Variants in TXNDC11 observed in about 807,000 individuals in gnomAD.
TXNDC11 encodes thioredoxin domain containing 11.
Under a neutral mutation model 78.0 loss-of-function variants are expected in TXNDC11, and 68 were observed. That is an observed-to-expected ratio of 0.87 (90% CI 0.72 to 1.07). The LOEUF (loss-of-function observed/expected upper bound fraction) is 1.07. TXNDC11 is among the 50% of genes least tolerant of loss of function. The probability of loss-of-function intolerance (pLI) is 0.00; values close to 1 mark genes in which losing one functional copy is unlikely to be tolerated. For missense variants in TXNDC11, 1,389 were observed against 1,221.8 expected (o/e 1.14, Z -2.04); for synonymous variants, 571 against 495.2 (o/e 1.15, Z -2.03).
At chr16:11,690,560 C>G (rs1407016196) in intron 8 of TXNDC11, among the ~76,000 whole-genome samples, 1 of 152,100 alleles carries the variant, frequency 6.6e-6, no homozygotes, top group Non-Finnish European at 1.5e-5. Context: ...CTTCACTGCT[C>G]TCTTTTTTTG....
intron 9 of TXNDC11, 125 bp downstream of exon 9, chr16:11,688,178 T>C (rs529792006): frequency 1.8e-6 from 2 of 1,081,966 alleles, no homozygotes; most frequent in Admixed American, 2.1e-5. Context: ...TCACGGTCCA[T>C]AATTGGGCCA....
At chr16:11,722,400 G>C (rs1567338143) in intron 4 of TXNDC11, among the ~76,000 whole-genome samples, 1 of 152,186 alleles carries the variant, frequency 6.6e-6, no homozygotes, top group African/African-American at 2.4e-5. Context: ...GATATGTTCT[G>C]CCTTCCTGTT....
chr16:11,709,428 T>A (rs2051276154), intron 5 of TXNDC11, among the ~76,000 whole-genome samples: 2 of 100,700 alleles, frequency 2.0e-5, no homozygotes, highest in African/African-American at 7.5e-5. Context: ...TTTGTATTTT[T>A]TTTTTTTTTT....
At chr16:11,708,768 A>G (rs984673913) in intron 5 of TXNDC11, among the ~76,000 whole-genome samples, 4 of 152,268 alleles carry the variant, frequency 2.6e-5, no homozygotes, top group African/African-American at 9.6e-5. Flanking sequence ...AAATAGTGGT[A>G]TACCAAAAGG....
chr16:11,723,641 A>G (rs1035144768), intron 4 of TXNDC11, among the ~76,000 whole-genome samples: 2 of 152,138 alleles, frequency 1.3e-5, no homozygotes, highest in African/African-American at 4.8e-5. Context: ...CAGAAACAGT[A>G]CCTATGTGCA....
At chr16:11,726,406 C>T (rs1224621860) in intron 4 of TXNDC11, among the ~76,000 whole-genome samples, 1 of 151,836 alleles carries the variant, frequency 6.6e-6, no homozygotes, top group Non-Finnish European at 1.5e-5. Context: ...CAAGGTGAAA[C>T]TCCATCTCTA....
At chr16:11,688,647 A>G in intron 8 of TXNDC11, 1 of 479,198 alleles carries the variant, frequency 2.1e-6, no homozygotes, top group Non-Finnish European at 3.7e-6. Context: ...GCAGACAGTA[A>G]TGTGGATAAC....
intron 6 of TXNDC11, among the ~76,000 whole-genome samples, chr16:11,700,072 A>G (rs1045143240): frequency 6.6e-6 from 1 of 152,256 alleles, no homozygotes; most frequent in African/African-American, 2.4e-5. Flanking sequence ...ATTACTACTC[A>G]TCATAAAAGA....
chr16:11,703,738 G>A (rs1258247981), intron 5 of TXNDC11: 2 of 701,386 alleles, frequency 2.9e-6, no homozygotes, highest in South Asian at 3.0e-5. Flanking sequence ...TGGAGAAGAG[G>A]TTGATTCCAG....
chr16:11,726,927 C>A (rs959308232), intron 4 of TXNDC11, among the ~76,000 whole-genome samples: 7 of 152,060 alleles, frequency 4.6e-5, no homozygotes, highest in African/African-American at 1.7e-4. Context: ...GAGGCACATG[C>A]CTGTAATCCC....
At chr16:11,683,767 T>TC (rs1471892370) in intron 11 of TXNDC11, among the ~76,000 whole-genome samples, 1 of 151,362 alleles carries the variant, frequency 6.6e-6, no homozygotes, top group African/African-American at 2.4e-5. Flanking sequence ...TTTTTTTTTT[T>TC]TTGAGGCAGA....
chr16:11,739,520 C>A (rs751840541), intron 1 of TXNDC11, among the ~76,000 whole-genome samples: 7 of 152,058 alleles, frequency 4.6e-5, no homozygotes, highest in Non-Finnish European at 4.4e-5. Context: ...CCAGCCGGGG[C>A]AACATAGAAA....
At chr16:11,739,137 T>A (rs1366771575) in intron 1 of TXNDC11, among the ~76,000 whole-genome samples, 18 of 152,198 alleles carry the variant, frequency 1.2e-4, no homozygotes, top group Admixed American at 1.1e-3. Flanking sequence ...TTGCTCTGCA[T>A]ATTCAGAAGC....
chr16:11,733,951 G>A, intron 3 of TXNDC11, 31 bp downstream of exon 3: 1 of 1,486,128 alleles, frequency 6.7e-7, no homozygotes, highest in Non-Finnish European at 9.4e-7. Flanking sequence ...AACTAAACTG[G>A]AATGAGAGAC....
At chr16:11,704,514 C>T (rs2051123145) in intron 5 of TXNDC11, among the ~76,000 whole-genome samples, 1 of 152,138 alleles carries the variant, frequency 6.6e-6, no homozygotes, top group Admixed American at 6.6e-5. Flanking sequence ...ACACAGCAGA[C>T]ACTACTTTAA....
chr16:11,715,811 G>A (rs901342033), intron 5 of TXNDC11, among the ~76,000 whole-genome samples: 3 of 152,188 alleles, frequency 2.0e-5, no homozygotes, highest in Admixed American at 6.5e-5. Context: ...CGGGAAAGGG[G>A]AAGAGAAAGA....
At chr16:11,717,140 A>C (rs140560279) in intron 5 of TXNDC11, among the ~76,000 whole-genome samples, 159 of 151,656 alleles carry the variant, frequency 1.0e-3, no homozygotes, top group Middle Eastern at 3.4e-3. Context: ...AAAACTAACC[A>C]GAAGGCCAGG....
At chr16:11,710,736 C>A (rs1375255798) in intron 5 of TXNDC11, among the ~76,000 whole-genome samples, 3 of 152,118 alleles carry the variant, frequency 2.0e-5, no homozygotes, top group Admixed American at 2.0e-4. Context: ...ATCACCTGAG[C>A]CTCGGGAGTT....
intron 4 of TXNDC11, 145 bp downstream of exon 4, chr16:11,730,500 G>C: frequency 1.3e-6 from 1 of 752,250 alleles, no homozygotes; most frequent in Non-Finnish European, 2.1e-6. Flanking sequence ...ATCTCAAAAA[G>C]CATTTAACTG....
Sources: gnomAD v4.1 joint callset for allele counts (sites outside exome capture counted in the v4.1 genomes callset) on GRCh38, gnomAD v4.1.1 for gene constraint, MANE v1.5 for transcripts, NCBI Gene and HGNC (gene_info 2026-07-23, HGNC 2026-07-21) for gene names.